Variants in RNF111 observed in about 807,000 individuals in gnomAD.
RNF111 encodes E3 ubiquitin-protein ligase Arkadia.
RNF111 carries 17 observed loss-of-function variants against 95.1 expected under a neutral mutation model. The observed-to-expected ratio is 0.18, with a 90% CI of 0.12 to 0.27. The LOEUF (loss-of-function observed/expected upper bound fraction) is 0.27, where lower values mean the gene tolerates loss of function less well. Among genes scored for constraint, RNF111 ranks in the 10% least tolerant of loss-of-function variants. The pLI is 1.00. For synonymous variants in RNF111, 440 were observed against 414.8 expected (o/e 1.06, Z -0.74); for missense variants, 1,189 against 1,210.4 (o/e 0.98, Z 0.26).
At chr15:59,089,586 G>T (rs1023574778) in intron 10 of RNF111, 81 bp from the exon 11 acceptor site, 8 of 1,042,262 alleles carry the variant, frequency 7.7e-6, no homozygotes, top group Middle Eastern at 2.1e-4. Flanking sequence ...AAACATTGAG[G>T]GTCTTGAATT....
chr15:59,028,276 A>T (rs1251086817), intron 1 of RNF111, among the ~76,000 whole-genome samples: 1 of 152,246 alleles, frequency 6.6e-6, no homozygotes, highest in South Asian at 2.1e-4. Context: ...TTTACTTAGC[A>T]TATTGTTTAT....
intron 1 of RNF111, among the ~76,000 whole-genome samples, chr15:59,016,836 C>T (rs1422368672): frequency 6.6e-6 from 1 of 152,106 alleles, no homozygotes; most frequent in Admixed American, 6.6e-5. Flanking sequence ...CAGTCCCTGT[C>T]ACTTACATTA....
At chr15:59,018,170 A>G (rs1419453970) in intron 1 of RNF111, among the ~76,000 whole-genome samples, 3 of 152,214 alleles carry the variant, frequency 2.0e-5, no homozygotes, top group Non-Finnish European at 4.4e-5. Context: ...ATCATTTTCG[A>G]GCATTAAAAT....
intron 6 of RNF111, among the ~76,000 whole-genome samples, chr15:59,070,029 CTTTTTTTTTTTT>C (rs1189748185): frequency 4.0e-4 from 9 of 22,678 alleles, no homozygotes; most frequent in African/African-American, 9.4e-4. Context: ...CCACCTCCTG[CTTTTTTTTTTTT>C]TTTTTTTTTT....
At chr15:59,069,764 A>G (rs1261095384) in intron 6 of RNF111, among the ~76,000 whole-genome samples, 2 of 152,158 alleles carry the variant, frequency 1.3e-5, no homozygotes, top group African/African-American at 4.8e-5. Context: ...AAATAGCTTC[A>G]TATAGTCTTC....
intron 3 of RNF111, among the ~76,000 whole-genome samples, chr15:59,053,552 T>TTGAC (rs2042080930): frequency 6.6e-6 from 1 of 152,248 alleles, no homozygotes; most frequent in Admixed American, 6.5e-5. Context: ...AAGTGCTACT[T>TTGAC]CTAAAGGCAT....
At position 59,096,347 on chromosome 15, in the gene RNF111, CA is replaced by C; in HGVS notation, c.*1448del. On this transcript the variant is annotated 3_prime_UTR_variant, in exon 14 of 14. Coordinates refer to ENST00000348370, the MANE Select transcript of RNF111 (RefSeq NM_017610.8). ...ATGTGGAGGACATGTTCCCATGGAT[CA>C]TATGTGAAGATGTCAATAAGCTTGC... The C allele has an allele frequency of 6.0e-6, 2 of 331,610 alleles. No homozygotes were observed. Among genetic ancestry groups the C allele is most frequent in the Admixed American group, 9.6e-5 (2 of 20,778 alleles). The allele number at this position is 331,610 out of a possible 1,614,324, so 20.5% of individuals were successfully genotyped here. A position where few individuals can be genotyped will look rare whatever the true frequency, so the allele number is the denominator to read the frequency against.
At position 59,095,738 on chromosome 15, in the gene RNF111, A is replaced by C; in HGVS notation, c.*838A>C. On this transcript the variant is annotated 3_prime_UTR_variant, in exon 14 of 14. Coordinates refer to ENST00000348370, the MANE Select transcript of RNF111 (RefSeq NM_017610.8). ...ATTGTACATACTTGCAGATTTAACAAAATTTTAGGGAAATTGAAAAAGACA... is the reference window on the plus strand; with the variant it reads ...ATTGTACATACTTGCAGATTTAACACAATTTTAGGGAAATTGAAAAAGACA... 1 of 331,638 alleles carries C rather than the reference A, an allele frequency of 3.0e-6. No individual in the cohort carries two copies. Among genetic ancestry groups the C allele is most frequent in the East Asian group, 4.6e-5 (1 of 21,532 alleles). 20.5% of individuals were successfully genotyped at this position (331,638 alleles called of 1,614,324 possible). A position where few individuals can be genotyped will look rare whatever the true frequency, so the allele number is the denominator to read the frequency against.
chr15:59,095,586 A>G lies in RNF111; in HGVS notation c.*686A>G, dbSNP rs1030251015. On this transcript the variant is annotated 3_prime_UTR_variant, in exon 14 of 14. Transcript: ENST00000348370. The stretch of plus-strand genomic sequence containing the variant: ...TAAGAGTTGAATATTGATATCATAC[A>G]TTTAGACTGCTGTTCTGATTGCATT... The G allele has an allele frequency of 1.0e-4, 16 of 155,536 alleles. No individual in the cohort carries two copies. Among genetic ancestry groups the G allele is most frequent in the African/African-American group, 3.8e-4 (16 of 41,610 alleles). 9.6% of individuals were successfully genotyped at this position (155,536 alleles called of 1,614,324 possible).
intron 1 of RNF111, among the ~76,000 whole-genome samples, chr15:58,994,877 G>A (rs555296788): frequency 2.4e-4 from 36 of 152,186 alleles, no homozygotes; most frequent in African/African-American, 8.4e-4. Context: ...ATTCTTTTGC[G>A]TTATCACTGC....
intron 2 of RNF111, among the ~76,000 whole-genome samples, chr15:59,035,442 G>A (rs1192782051): frequency 3.3e-5 from 5 of 152,140 alleles, no homozygotes; most frequent in Non-Finnish European, 5.9e-5. Context: ...AAAATTAGAA[G>A]CAAGTTAGTT....
chr15:59,047,426 T>G (rs1445852714), intron 2 of RNF111, among the ~76,000 whole-genome samples: 1 of 151,758 alleles, frequency 6.6e-6, no homozygotes, highest in African/African-American at 2.4e-5. Flanking sequence ...GCCCGGGAGG[T>G]CAAGGCTGCA....
chr15:59,048,248 A>G (rs1441504776), intron 2 of RNF111, among the ~76,000 whole-genome samples: 2 of 152,236 alleles, frequency 1.3e-5, no homozygotes, highest in African/African-American at 4.8e-5. Context: ...TGTTATATCC[A>G]TATGATTGGA....
At chr15:59,002,418 A>C (rs1613602) in intron 1 of RNF111, among the ~76,000 whole-genome samples, 145,572 of 152,298 alleles carry the variant, frequency 0.96, 69,932 homozygotes, top group Non-Finnish European at 1. Context: ...GAACATTCTT[A>C]TGTGAGGGAC....
chr15:59,012,167 C>T (rs1377325599), intron 1 of RNF111, among the ~76,000 whole-genome samples: 2 of 151,820 alleles, frequency 1.3e-5, no homozygotes, highest in African/African-American at 4.8e-5. Flanking sequence ...TACAGGCATG[C>T]ATCTCCACAC....
intron 2 of RNF111, among the ~76,000 whole-genome samples, chr15:59,035,923 C>G (rs1391061516): frequency 6.6e-6 from 1 of 152,176 alleles, no homozygotes; most frequent in African/African-American, 2.4e-5. Context: ...CTTTTGCAAC[C>G]TCTGCCAGTT....
intron 6 of RNF111, among the ~76,000 whole-genome samples, chr15:59,072,604 C>G (rs1481854819): frequency 6.6e-6 from 1 of 151,826 alleles, no homozygotes; most frequent in East Asian, 1.9e-4. Flanking sequence ...GTGCCCGCCA[C>G]CACGCCTGGC....
chr15:58,996,649 C>CTTTTTTTTT lies in RNF111; in HGVS notation c.-20+8602_-20+8610dup, dbSNP rs60350601. 1.9e-3 allele frequency among the ~76,000 whole-genome samples: 188 copies of CTTTTTTTTT among 100,742 alleles called. 2 individuals carry two copies. Among genetic ancestry groups the CTTTTTTTTT allele is most frequent in the African/African-American group, 2.6e-3 (67 of 25,632 alleles). 66.1% of individuals were successfully genotyped at this position (100,742 alleles called of 152,430 possible). On this transcript the variant is annotated intron_variant, in intron 1 of 13. Coordinates refer to ENST00000348370, the MANE Select transcript of RNF111 (RefSeq NM_017610.8). ...GTGATTGAAAACTCATCAGTACTTT[C>CTTTTTTTTT]TTTTTTTTTTTTTTTTTTTTTTTTT...
At chr15:59,033,667 A>T (rs538578955) in intron 2 of RNF111, among the ~76,000 whole-genome samples, 1 of 152,336 alleles carries the variant, frequency 6.6e-6, no homozygotes, top group East Asian at 1.9e-4. Flanking sequence ...ATGAGAATAT[A>T]GTAATTGAAT....
Sources: gnomAD v4.1 joint callset for allele counts (sites outside exome capture counted in the v4.1 genomes callset) on GRCh38, gnomAD v4.1.1 for gene constraint, MANE v1.5 for transcripts, NCBI Gene and HGNC (gene_info 2026-07-23, HGNC 2026-07-21) for gene names.